The following CA10 variants were observed in gnomAD, a reference collection of about 807,000 sequenced individuals.
CA10 encodes the protein carbonic anhydrase-related protein 10.
A neutral mutation model predicts 44.2 loss-of-function variants in CA10; 14 were observed. The observed-to-expected ratio is 0.32, with a 90% CI of 0.21 to 0.50. The LOEUF is 0.50. CA10 is among the 20% of genes least tolerant of loss of function. CA10 has a pLI of 0.99. For synonymous variants in CA10, 159 were observed against 141.6 expected (o/e 1.12, Z -0.87); for missense variants, 350 against 409.7 (o/e 0.85, Z 1.26).
intron 3 of CA10, among the ~76,000 whole-genome samples, chr17:51,793,997 C>T (rs1478216741): frequency 6.6e-6 from 1 of 152,108 alleles, no homozygotes; most frequent in Non-Finnish European, 1.5e-5. Flanking sequence ...ACTGTGGGAC[C>T]CACCTCTGCA....
chr17:51,767,043 C>A (rs1905410804), intron 3 of CA10, among the ~76,000 whole-genome samples: 1 of 152,174 alleles, frequency 6.6e-6, no homozygotes, highest in African/African-American at 2.4e-5. Context: ...TGACTTTTAC[C>A]TTGTCTTGGC....
At chr17:51,753,764 C>T (rs891408236) in intron 3 of CA10, among the ~76,000 whole-genome samples, 1 of 152,152 alleles carries the variant, frequency 6.6e-6, no homozygotes, top group Non-Finnish European at 1.5e-5. Flanking sequence ...TGCCATCAGT[C>T]GGGGGCCAGA....
intron 2 of CA10, among the ~76,000 whole-genome samples, chr17:51,974,802 T>A (rs545679678): frequency 6.6e-6 from 1 of 152,180 alleles, no homozygotes; most frequent in South Asian, 2.1e-4. Context: ...AAAGGGGACA[T>A]GATAGGGCTG....
chr17:51,992,842 C>T (rs1397875648), intron 2 of CA10, among the ~76,000 whole-genome samples: 1 of 152,012 alleles, frequency 6.6e-6, no homozygotes, highest in Non-Finnish European at 1.5e-5. Context: ...ACCCTCTCAG[C>T]CTTTTAGATT....
intron 4 of CA10, among the ~76,000 whole-genome samples, chr17:51,704,675 C>T (rs1378978933): frequency 1.3e-5 from 2 of 152,200 alleles, no homozygotes; most frequent in African/African-American, 4.8e-5. Flanking sequence ...AAAAGAAAAT[C>T]TATCACAGCT....
chr17:51,649,138 C>T, intron 6 of CA10, 44 bp downstream of exon 6: 2 of 1,460,254 alleles, frequency 1.4e-6, no homozygotes, highest in Non-Finnish European at 1.9e-6. Context: ...GCAGGTCTAA[C>T]CTTTATAGAA....
rs142398687 is a variant in CA10 at position 52,095,394 on chromosome 17, T to C, written c.62-23001A>G. Among the ~76,000 whole-genome samples the C allele has an allele frequency of 8.7e-4, 132 of 152,188 alleles. 1 individual carries two copies. Among genetic ancestry groups the C allele is most frequent in the Admixed American group, 3.4e-3 (52 of 15,280 alleles). On this transcript the variant is annotated intron_variant, in intron 1 of 8. Coordinates refer to ENST00000451037, the MANE Select transcript of CA10 (RefSeq NM_020178.5). ...TGAAAATGTTCCATATTTTGATTGG[T>C]GTGATAGTTATGTAGTATATACATG...
chr17:52,008,316 T>C (rs992274528), intron 2 of CA10, among the ~76,000 whole-genome samples: 3 of 151,774 alleles, frequency 2.0e-5, no homozygotes, highest in African/African-American at 7.2e-5. Context: ...AAACTGAAAG[T>C]AAATTTTAAG....
chr17:51,748,402 C>T, intron 3 of CA10: 1 of 871,718 alleles, frequency 1.1e-6, no homozygotes. Context: ...CTCAAACTTC[C>T]AATTTCATAG....
At chr17:52,135,546 A>G (rs562631753) in intron 1 of CA10, among the ~76,000 whole-genome samples, 7 of 152,170 alleles carry the variant, frequency 4.6e-5, no homozygotes, top group African/African-American at 1.4e-4. Flanking sequence ...CTTATTAAAT[A>G]TGTATATTTG....
intron 3 of CA10, among the ~76,000 whole-genome samples, chr17:51,759,659 C>A (rs12603060): frequency 0.2 from 31,031 of 151,678 alleles, 3,324 homozygotes; most frequent in East Asian, 0.32. Context: ...CCAAGCTCCA[C>A]CCCCCATTCT....
chr17:51,971,074 C>G (rs1048136799), intron 2 of CA10, among the ~76,000 whole-genome samples: 6 of 151,944 alleles, frequency 3.9e-5, no homozygotes. Flanking sequence ...GAAAGAAATT[C>G]CAGATCAGAC....
chr17:51,818,144 G>A (rs1014196958), intron 3 of CA10, among the ~76,000 whole-genome samples: 2 of 152,166 alleles, frequency 1.3e-5, no homozygotes, highest in African/African-American at 2.4e-5. Context: ...GTGATCCTAA[G>A]TAAGTCACTT....
At chr17:51,851,739 C>T (rs959180716) in intron 3 of CA10, among the ~76,000 whole-genome samples, 3 of 152,144 alleles carry the variant, frequency 2.0e-5, no homozygotes, top group Non-Finnish European at 4.4e-5. Context: ...ATTTGTTGAA[C>T]TAATCTGAAC....
chr17:51,888,593 T>C (rs1049371648), intron 3 of CA10, among the ~76,000 whole-genome samples: 12 of 152,338 alleles, frequency 7.9e-5, no homozygotes, highest in African/African-American at 2.4e-4. Flanking sequence ...CTATCCCTTG[T>C]GTCTCTTGCT....
chr17:51,852,599 A>G (rs1484773586), intron 3 of CA10, among the ~76,000 whole-genome samples: 1 of 152,208 alleles, frequency 6.6e-6, no homozygotes, highest in Non-Finnish European at 1.5e-5. Context: ...GTCTGAATCT[A>G]AATGTCCTAT....
At chr17:51,991,047 C>T (rs1013707053) in intron 2 of CA10, among the ~76,000 whole-genome samples, 3 of 152,048 alleles carry the variant, frequency 2.0e-5, no homozygotes, top group Non-Finnish European at 2.9e-5. Flanking sequence ...GCTCTCTGAA[C>T]GTTATGTTTT....
At chr17:51,836,320 T>A (rs1908475430) in intron 3 of CA10, among the ~76,000 whole-genome samples, 1 of 152,246 alleles carries the variant, frequency 6.6e-6, no homozygotes, top group Non-Finnish European at 1.5e-5. Context: ...CCTCTTGTGA[T>A]CTTTCTTCCA....
At chr17:52,037,761 C>A (rs566054384) in intron 2 of CA10, among the ~76,000 whole-genome samples, 1 of 152,104 alleles carries the variant, frequency 6.6e-6, no homozygotes, top group Non-Finnish European at 1.5e-5. Flanking sequence ...CCAATACACA[C>A]CGTGACTTTT....
Sources: allele counts gnomAD v4.1 joint callset (sites outside exome capture counted in the v4.1 genomes callset), GRCh38; gene constraint gnomAD v4.1.1; transcripts MANE v1.5; gene names NCBI Gene and HGNC (gene_info 2026-07-23, HGNC 2026-07-21).